GNG12: variants seen among roughly 807,000 people sequenced by gnomAD.
GNG12 encodes guanine nucleotide-binding protein G(I)/G(S)/G(O) subunit gamma-12.
For synonymous variants in GNG12, 28 were observed against 29.7 expected (o/e 0.94, Z 0.19); for missense variants, 69 against 83.8 (o/e 0.82, Z 0.69).
At chr1:67,740,898 T>G (rs760611233) in intron 2 of GNG12, among the ~76,000 whole-genome samples, 34 of 152,202 alleles carry the variant, frequency 2.2e-4, no homozygotes, top group Non-Finnish European at 1.2e-4. Flanking sequence ...AAATGTTGTT[T>G]ATAAGCCATC....
chr1:67,730,853 G>A (rs1019805178), intron 2 of GNG12, among the ~76,000 whole-genome samples: 2 of 152,086 alleles, frequency 1.3e-5, no homozygotes, highest in Non-Finnish European at 2.9e-5. Flanking sequence ...GTAATCTATT[G>A]TTTCAGAGTA....
At chr1:67,801,477 G>C (rs1646865334) in intron 1 of GNG12, among the ~76,000 whole-genome samples, 1 of 152,192 alleles carries the variant, frequency 6.6e-6, no homozygotes, top group African/African-American at 2.4e-5. Flanking sequence ...CAAAGTGATA[G>C]AAACTCAGGC....
chr1:67,813,031 A>T (rs1422743198), intron 1 of GNG12, among the ~76,000 whole-genome samples: 1 of 152,212 alleles, frequency 6.6e-6, no homozygotes, highest in Non-Finnish European at 1.5e-5. Flanking sequence ...GTTAGGCTCC[A>T]TAATGACGAT....
chr1:67,833,278 C>A, intron 1 of GNG12, 66 bp downstream of exon 1: 1 of 567,060 alleles, frequency 1.8e-6, no homozygotes, highest in East Asian at 1.4e-4. Flanking sequence ...CTGGCCGACG[C>A]CCCGCGCCGC....
At chr1:67,756,045 C>T (rs767957322) in intron 2 of GNG12, among the ~76,000 whole-genome samples, 5 of 152,130 alleles carry the variant, frequency 3.3e-5, no homozygotes, top group Non-Finnish European at 5.9e-5. Context: ...GTGCCTGGCC[C>T]TGGGGCTCAG....
intron 2 of GNG12, among the ~76,000 whole-genome samples, chr1:67,753,515 G>A (rs1646551166): frequency 6.6e-6 from 1 of 152,164 alleles, no homozygotes; most frequent in Non-Finnish European, 1.5e-5. Flanking sequence ...GTAAGGAGTG[G>A]TGGGCAGGCC....
At chr1:67,767,026 C>T (rs1392655398) in intron 2 of GNG12, among the ~76,000 whole-genome samples, 1 of 152,148 alleles carries the variant, frequency 6.6e-6, no homozygotes, top group South Asian at 2.1e-4. Context: ...ATGGATAGAT[C>T]GTTTTTGTGG....
chr1:67,804,412 G>A (rs532756347), intron 1 of GNG12, among the ~76,000 whole-genome samples: 9 of 152,098 alleles, frequency 5.9e-5, no homozygotes, highest in Non-Finnish European at 1.0e-4. Flanking sequence ...TACTTTCAGC[G>A]TGCACTGAGA....
intron 2 of GNG12, among the ~76,000 whole-genome samples, chr1:67,739,774 A>C (rs944671456): frequency 4.6e-5 from 7 of 152,254 alleles, no homozygotes; most frequent in African/African-American, 1.7e-4. Flanking sequence ...GTGAGTTCAG[A>C]TATCTGAAGA....
At chr1:67,821,142 G>C (rs1473761899) in intron 1 of GNG12, among the ~76,000 whole-genome samples, 1 of 152,142 alleles carries the variant, frequency 6.6e-6, no homozygotes, top group Non-Finnish European at 1.5e-5. Context: ...AAAGCTCCAA[G>C]GATGTCTGTG....
At chr1:67,774,845 A>G (rs1646695058) in intron 2 of GNG12, among the ~76,000 whole-genome samples, 1 of 152,070 alleles carries the variant, frequency 6.6e-6, no homozygotes, top group Admixed American at 6.5e-5. Flanking sequence ...TTTGAAGAGG[A>G]AAAAAAAGCC....
rs563880546 is a variant in GNG12 at position 67,801,317 on chromosome 1, C to G, written c.-76-23810G>C. ...CAGTGGTCAGCACATGGAAAGCACA[C>G]AATAAATATTCACTGAATGAATATA... On this transcript the variant is annotated intron_variant, in intron 1 of 3. Coordinates refer to ENST00000370982, the MANE Select transcript of GNG12 (RefSeq NM_018841.6). Among the ~76,000 whole-genome samples, 7 of 152,240 alleles carry G rather than the reference C, an allele frequency of 4.6e-5. No individual in the cohort carries two copies. In the East Asian group the frequency reaches 1.3e-3, roughly 29 times the overall value.
intron 2 of GNG12, among the ~76,000 whole-genome samples, chr1:67,759,097 G>A (rs1646587274): frequency 6.6e-6 from 1 of 152,148 alleles, no homozygotes; most frequent in Admixed American, 6.5e-5. Context: ...ACCCTGATTT[G>A]ATCATTATAC....
At chr1:67,812,120 G>A (rs1018824160) in intron 1 of GNG12, among the ~76,000 whole-genome samples, 1 of 152,094 alleles carries the variant, frequency 6.6e-6, no homozygotes, top group Non-Finnish European at 1.5e-5. Context: ...AGCACCCACT[G>A]ATCAAATCAG....
chr1:67,764,690 C>T (rs947536468), intron 2 of GNG12, among the ~76,000 whole-genome samples: 4 of 152,050 alleles, frequency 2.6e-5, no homozygotes, highest in South Asian at 2.1e-4. Flanking sequence ...TGTGTATATG[C>T]GTGTGTGTAT....
Position 67,701,935 on chromosome 1 carries a change from A to T in GNG12, c.*3516T>A, listed in dbSNP as rs1646217916. ...CAGCTTATAGCACCAACACGTTGGC[A>T]GGACCAGCAGAGGGGTGGGGTCTTT... On this transcript the variant is annotated 3_prime_UTR_variant, in exon 4 of 4. Coordinates refer to ENST00000370982, the MANE Select transcript of GNG12 (RefSeq NM_018841.6). The T allele has an allele frequency of 6.5e-6, 1 of 152,684 alleles. No individual in the cohort carries two copies. The highest frequency in any genetic ancestry group is 6.5e-5 in the Admixed American group (1 of 15,286). The allele number at this position is 152,684 out of a possible 1,614,324, so 9.5% of individuals were successfully genotyped here. A position where few individuals can be genotyped will look rare whatever the true frequency, so the allele number is the denominator to read the frequency against.
At chr1:67,818,826 G>A (rs1047568127) in intron 1 of GNG12, among the ~76,000 whole-genome samples, 1 of 152,188 alleles carries the variant, frequency 6.6e-6, no homozygotes. Context: ...TGTGAGGTAA[G>A]TGCTATTATC....
intron 1 of GNG12, among the ~76,000 whole-genome samples, chr1:67,786,357 G>C (rs1340685644): frequency 2.0e-5 from 3 of 152,116 alleles, no homozygotes; most frequent in African/African-American, 7.2e-5. Flanking sequence ...GTGCCTTGTG[G>C]GACAAATTAA....
chr1:67,784,741 C>T (rs1299197658), intron 1 of GNG12, among the ~76,000 whole-genome samples: 2 of 152,184 alleles, frequency 1.3e-5, no homozygotes, highest in Non-Finnish European at 2.9e-5. Flanking sequence ...ATTCCCAAAA[C>T]TTACGCAATT....
Sources: gnomAD v4.1 joint callset for allele counts (sites outside exome capture counted in the v4.1 genomes callset) on GRCh38, gnomAD v4.1.1 for gene constraint, MANE v1.5 for transcripts, NCBI Gene and HGNC (gene_info 2026-07-23, HGNC 2026-07-21) for gene names.